The following PNPLA7 variants were observed in gnomAD, a reference collection of about 807,000 sequenced individuals.
PNPLA7 encodes patatin-like phospholipase domain-containing protein 7.
PNPLA7 carries 153 observed loss-of-function variants against 161.7 expected under a neutral mutation model. The ratio of observed to expected loss-of-function variants is 0.95; its 90% confidence interval spans 0.83 to 1.08. The LOEUF (loss-of-function observed/expected upper bound fraction) is 1.08. Ranked by LOEUF, PNPLA7 falls within the 50% of genes least tolerant of loss-of-function variation. The pLI, the probability that PNPLA7 is intolerant of heterozygous loss-of-function variation, is 0.00. For missense variants in PNPLA7, 1,739 were observed against 1,856.6 expected (o/e 0.94, Z 1.16); for synonymous variants, 809 against 782.1 (o/e 1.03, Z -0.57).
chr9:137,520,932 G>A lies in PNPLA7; in HGVS notation c.957+704C>T, dbSNP rs113259813. Among the ~76,000 whole-genome samples the A allele has an allele frequency of 2.9e-3, 445 of 152,294 alleles. No individual in the cohort carries two copies. Among genetic ancestry groups the A allele is most frequent in the African/African-American group, 9.9e-3 (410 of 41,554 alleles). Reference sequence around the variant, plus strand: ...CCCCATGGGACGGGCATGGGGAGGGGCAGCCTCTGCTGGACGCGGACGTAG... The same window carrying A: ...CCCCATGGGACGGGCATGGGGAGGGACAGCCTCTGCTGGACGCGGACGTAG... On this transcript the variant is annotated intron_variant, in intron 10 of 34. Coordinates refer to ENST00000406427, the MANE Select transcript of PNPLA7 (RefSeq NM_001098537.3). This position sits in a 1 kb window ranked among gnomAD's most constrained non-coding sequence, Gnocchi z 5.2.
At position 137,461,868 on chromosome 9, in the gene PNPLA7, G is replaced by A. The variant is rs117549209; in HGVS notation, c.3756+63C>T. ...GCGTGGCCTGATGAACTGGGCGTGG[G>A]CGTGGCCCGAAGAACTGGGCGCGGT... On this transcript the variant is annotated intron_variant, in intron 32 of 34. Transcript: ENST00000406427. 2,669 of 1,459,936 alleles carry A rather than the reference G, an allele frequency of 1.8e-3. 72 individuals carry two copies. In the East Asian group the frequency reaches 0.053, roughly 29 times the overall value. 90.4% of individuals were successfully genotyped at this position (1,459,936 alleles called of 1,614,324 possible). A position where few individuals can be genotyped will look rare whatever the true frequency, so the allele number is the denominator to read the frequency against.
chr9:137,479,291 C>T, intron 23 of PNPLA7, 53 bp from the exon 24 acceptor site: 1 of 1,452,796 alleles, frequency 6.9e-7, no homozygotes, highest in South Asian at 1.4e-5. Flanking sequence ...GGACTCGGGA[C>T]AGGACGGAGC....
In PNPLA7 at chr9:137,511,327, G is replaced by A. The variant is rs1016551933; in HGVS notation, c.1225+4052C>T. Among the ~76,000 whole-genome samples the A allele has an allele frequency of 7.2e-5, 11 of 151,918 alleles. No homozygotes were observed. In the Middle Eastern group the frequency reaches 0.01, roughly 143 times the overall value. The stretch of plus-strand genomic sequence containing the variant: ...GTTACTCAGCAGACCTTGGCCTGGC[G>A]GTAGCGCCAGTGCCTGGGAAGGCAC... On this transcript the variant is annotated intron_variant, in intron 12 of 34. Transcript: ENST00000406427.
At chr9:137,496,847 G>A (rs1054072669) in intron 18 of PNPLA7, among the ~76,000 whole-genome samples, 2 of 152,212 alleles carry the variant, frequency 1.3e-5, no homozygotes, top group Non-Finnish European at 2.9e-5. Flanking sequence ...AGCTGTAGTT[G>A]CTCCTGTGGA....
chr9:137,482,607 G>T (rs1832274555), intron 21 of PNPLA7, among the ~76,000 whole-genome samples: 2 of 152,260 alleles, frequency 1.3e-5, no homozygotes, highest in South Asian at 2.1e-4. Flanking sequence ...CACCTGCAGG[G>T]TCTCCTCCGT....
intron 20 of PNPLA7, chr9:137,491,664 G>A: frequency 1.0e-6 from 1 of 985,474 alleles, no homozygotes; most frequent in Non-Finnish European, 1.2e-6. Flanking sequence ...CTCAGATGAA[G>A]ATGGGGTCAC....
At chr9:137,472,640 G>A (rs1265035760) in intron 25 of PNPLA7, among the ~76,000 whole-genome samples, 1 of 115,390 alleles carries the variant, frequency 8.7e-6, no homozygotes, top group African/African-American at 3.3e-5. Flanking sequence ...GACAGAATGA[G>A]ACTCCATCTC....
chr9:137,525,347 G>A (rs1264053322), intron 8 of PNPLA7, among the ~76,000 whole-genome samples: 1 of 152,214 alleles, frequency 6.6e-6, no homozygotes, highest in Admixed American at 6.5e-5. Flanking sequence ...AAAGACAGCT[G>A]GGCCCAGGGG....
At position 137,545,750 on chromosome 9, in the gene PNPLA7, G is replaced by A. The variant is rs534369671; in HGVS notation, c.273+1080C>T. Among the ~76,000 whole-genome samples the A allele has an allele frequency of 5.7e-3, 863 of 152,224 alleles. 3 individuals carry two copies. The highest frequency in any genetic ancestry group is 6.1e-3 in the Non-Finnish European group (416 of 68,002). ...ATAGGAGCTGAGGGGACATAGTGAG[G>A]AGTGACCAGAAGACAAGAGTGCGAG... On this transcript the variant is annotated intron_variant, in intron 4 of 34. Transcript: ENST00000406427.
chr9:137,470,574 T>G (rs1056812370), intron 25 of PNPLA7, among the ~76,000 whole-genome samples: 3 of 152,040 alleles, frequency 2.0e-5, no homozygotes, highest in Non-Finnish European at 4.4e-5. Flanking sequence ...AAATAAAAAT[T>G]TTTTAAAAAC....
chr9:137,485,355 C>G (rs1413951232), intron 20 of PNPLA7, among the ~76,000 whole-genome samples: 3 of 150,016 alleles, frequency 2.0e-5, no homozygotes, highest in African/African-American at 7.6e-5. Context: ...TGGAGTAAAC[C>G]AGACAAACGC....
At position 137,540,898 on chromosome 9, in the gene PNPLA7, G is replaced by A. The variant is rs145730689; in HGVS notation, c.667-176C>T. The A allele has an allele frequency of 6.2e-5, 37 of 596,110 alleles. No homozygotes were observed. Among genetic ancestry groups the A allele is most frequent in the African/African-American group, 5.4e-4 (29 of 53,978 alleles). The allele number at this position is 596,110 out of a possible 1,614,324, so 36.9% of individuals were successfully genotyped here. A position where few individuals can be genotyped will look rare whatever the true frequency, so the allele number is the denominator to read the frequency against. Reference sequence around the variant, plus strand: ...GGACAAGATGGACCTGCTGGCATCAGGGGTACAACACACAGGAAGCGGCAG... The same window carrying A: ...GGACAAGATGGACCTGCTGGCATCAAGGGTACAACACACAGGAAGCGGCAG... On this transcript the variant is annotated intron_variant, in intron 7 of 34. Coordinates refer to ENST00000406427, the MANE Select transcript of PNPLA7 (RefSeq NM_001098537.3). The surrounding 1 kb of genome is among the most constrained non-coding windows in gnomAD (Gnocchi z 5.1).
rs1833444763 is a variant in PNPLA7 at position 137,501,858 on chromosome 9, G to C, written c.1474-131C>G. The stretch of plus-strand genomic sequence containing the variant: ...GAGGCCGGGCAAGGCCCTCCTCCGA[G>C]GCTGTCCTCCAACAAGGGCCTGATG... On this transcript the variant is annotated intron_variant, in intron 14 of 34. Coordinates refer to ENST00000406427, the MANE Select transcript of PNPLA7 (RefSeq NM_001098537.3). The C allele has an allele frequency of 7.8e-6, 7 of 899,582 alleles. No individual in the cohort carries two copies. The East Asian group carries it at 1.6e-4, about 21-fold the overall frequency. The allele number at this position is 899,582 out of a possible 1,614,324, so 55.7% of individuals were successfully genotyped here.
rs150012611 is a variant in PNPLA7 at position 137,523,687 on chromosome 9, C to T, written c.748-830G>A. The stretch of plus-strand genomic sequence containing the variant: ...TGTCGTCCAGGCTGGAGTGCAATGG[C>T]GTGATCTTGGCTCACTGCAAGCTCC... On this transcript the variant is annotated intron_variant, in intron 8 of 34. Coordinates refer to ENST00000406427, the MANE Select transcript of PNPLA7 (RefSeq NM_001098537.3). The surrounding 1 kb of genome is among the most constrained non-coding windows in gnomAD (Gnocchi z 4.4). Among the ~76,000 whole-genome samples, 285 of 150,566 alleles carry T rather than the reference C, an allele frequency of 1.9e-3. No homozygotes were observed. The highest frequency in any genetic ancestry group is 6.3e-3 in the African/African-American group (257 of 40,888).
At chr9:137,527,418 C>T (rs1439137573) in intron 8 of PNPLA7, among the ~76,000 whole-genome samples, 2 of 152,072 alleles carry the variant, frequency 1.3e-5, no homozygotes, top group African/African-American at 2.4e-5. Context: ...GTCCTTTATT[C>T]GATTTAGGAA....
rs1321191789 is a variant in PNPLA7, at chr9:137,498,197, C to T, written c.1806G>A (p.Val602=). Residue 602 remains valine, a synonymous_variant, in exon 17 of 35, where the codon GTG becomes GTA. Coordinates refer to ENST00000406427, the MANE Select transcript of PNPLA7 (RefSeq NM_001098537.3). ...PTVVLGVAHT[V]VKRMSSFVRQ... ...GCACGAAGGACGACATCCTCTTCACCACAGTGTGCGCCACACCCAGGACGA... is the reference window on the plus strand; with the variant it reads ...GCACGAAGGACGACATCCTCTTCACTACAGTGTGCGCCACACCCAGGACGA... 1.9e-6 allele frequency: 3 copies of T among 1,612,514 alleles called. No individual in the cohort carries two copies. The highest frequency in any genetic ancestry group is 1.7e-5 in the Admixed American group (1 of 60,006).
At chr9:137,487,297 G>C (rs761159738) in intron 20 of PNPLA7, among the ~76,000 whole-genome samples, 13 of 152,258 alleles carry the variant, frequency 8.5e-5, no homozygotes. Context: ...CGCTGGAGAC[G>C]TGCAGAGGCA....
At position 137,550,252 on chromosome 9, in the gene PNPLA7, A is replaced by G. The variant is rs902507790; in HGVS notation, c.-55T>C. On this transcript the variant is annotated 5_prime_UTR_variant, in exon 1 of 35. Coordinates refer to ENST00000406427, the MANE Select transcript of PNPLA7 (RefSeq NM_001098537.3). ...GAAAAGCAGACAGCCTGAAGCAAAC[A>G]AGGGCACACCTCTACCCGCTCATGC... The G allele has an allele frequency of 3.7e-6, 6 of 1,600,630 alleles. No individual in the cohort carries two copies. Among genetic ancestry groups the G allele is most frequent in the Non-Finnish European group, 5.1e-6 (6 of 1,168,894 alleles).
intron 19 of PNPLA7, among the ~76,000 whole-genome samples, chr9:137,493,530 T>C (rs1382032355): frequency 6.6e-6 from 1 of 152,232 alleles, no homozygotes; most frequent in Non-Finnish European, 1.5e-5. Flanking sequence ...TTGGGGACAT[T>C]TGTCCTGACT....
Sources: gnomAD v4.1 joint callset for allele counts (sites outside exome capture counted in the v4.1 genomes callset) on GRCh38, gnomAD v4.1.1 for gene constraint, Gnocchi (gnomAD v3.1) non-coding constraint, MANE v1.5 for transcripts, NCBI Gene and HGNC (gene_info 2026-07-23, HGNC 2026-07-21) for gene names.